GPR89A: variants seen among roughly 807,000 people sequenced by gnomAD.
The protein encoded by GPR89A is G protein-coupled receptor 89A.
A neutral mutation model predicts 52.0 loss-of-function variants in GPR89A; 16 were observed. That is an observed-to-expected ratio of 0.31 (90% CI 0.21 to 0.47). The LOEUF is 0.47. Ranked by LOEUF, GPR89A falls within the 20% of genes least tolerant of loss-of-function variation. The probability of loss-of-function intolerance (pLI) is 1.00; values close to 1 mark genes in which losing one functional copy is unlikely to be tolerated. For synonymous variants in GPR89A, 55 were observed against 150.9 expected, an observed-to-expected ratio of 0.36 and a Z score of 4.66; for missense variants, 135 against 449.4, an observed-to-expected ratio of 0.30 and a Z score of 6.33.
At chr1:145,654,544 A>G (rs113984420) in intron 10 of GPR89A, among the ~76,000 whole-genome samples, 1 of 48,480 alleles carries the variant, frequency 2.1e-5, no homozygotes, top group Admixed American at 2.5e-4. Flanking sequence ...CAGAGCAAGA[A>G]TCCATCTACA....
In GPR89A at chr1:145,633,939, G is replaced by C. The variant is rs1423094124; in HGVS notation, c.617+2195G>C. 4.6e-5 allele frequency among the ~76,000 whole-genome samples: 7 copies of C among 151,250 alleles called. No homozygotes were observed. In the South Asian group the frequency reaches 8.4e-4, roughly 18 times the overall value. On this transcript the variant is annotated intron_variant, in intron 7 of 13. Transcript: ENST00000313835. ...AATACTTAGGGATAAATTTGACCAA[G>C]GGGGAAGAAAGACCTGGACACTGAA...
chr1:145,626,352 C>T (rs1649496752), intron 5 of GPR89A, among the ~76,000 whole-genome samples: 1 of 151,930 alleles, frequency 6.6e-6, no homozygotes, highest in Admixed American at 6.6e-5. Context: ...AAGATGAAGG[C>T]CATTGTATCT....
At chr1:145,613,867 A>T (rs1648476111) in intron 1 of GPR89A, among the ~76,000 whole-genome samples, 1 of 151,424 alleles carries the variant, frequency 6.6e-6, no homozygotes, top group African/African-American at 2.4e-5. Context: ...GCTCACTATA[A>T]CGTCTACCTG....
chr1:145,657,023 A>G (rs1406233587), intron 10 of GPR89A, among the ~76,000 whole-genome samples: 3 of 151,978 alleles, frequency 2.0e-5, no homozygotes, highest in Non-Finnish European at 4.4e-5. Context: ...TTGCATTCCT[A>G]GAATAAACCT....
At chr1:145,648,580 A>T (rs1651213598) in intron 10 of GPR89A, among the ~76,000 whole-genome samples, 1 of 150,192 alleles carries the variant, frequency 6.7e-6, no homozygotes, top group African/African-American at 2.5e-5. Flanking sequence ...CCTGGGCCCA[A>T]GCAATTCTCC....
chr1:145,635,843 C>T (rs1384715890), intron 7 of GPR89A, among the ~76,000 whole-genome samples: 2 of 152,160 alleles, frequency 1.3e-5, no homozygotes, highest in African/African-American at 4.8e-5. Flanking sequence ...CCTGTAATCC[C>T]AGCTACTTGG....
chr1:145,619,373 G>T, intron 3 of GPR89A, among the ~76,000 whole-genome samples: 1 of 150,448 alleles, frequency 6.6e-6, no homozygotes, highest in East Asian at 1.9e-4. Context: ...ACTTTGGGAG[G>T]CTGAGGCAGG....
intron 12 of GPR89A, among the ~76,000 whole-genome samples, chr1:145,668,072 A>G (rs1652699229): frequency 1.3e-5 from 2 of 152,174 alleles, no homozygotes; most frequent in Non-Finnish European, 2.9e-5. Context: ...TTGGTTCCAT[A>G]TGAACTTTAG....
chr1:145,622,197 AAATAT>A (rs1649189759), intron 3 of GPR89A, among the ~76,000 whole-genome samples: 2 of 151,758 alleles, frequency 1.3e-5, no homozygotes, highest in Non-Finnish European at 2.9e-5. Flanking sequence ...TGCAGAAACA[AAATAT>A]AATATATCCA....
At chr1:145,621,604 TA>T (rs1468948531) in intron 3 of GPR89A, among the ~76,000 whole-genome samples, 3 of 147,506 alleles carry the variant, frequency 2.0e-5, no homozygotes, top group African/African-American at 7.4e-5. Context: ...TTAAAATCAG[TA>T]AATACAAAGG....
chr1:145,656,732 A>G (rs1254522969), intron 10 of GPR89A, among the ~76,000 whole-genome samples: 3 of 152,068 alleles, frequency 2.0e-5, no homozygotes, highest in African/African-American at 7.3e-5. Context: ...CCTTCAGTAC[A>G]AAGTTGAATA....
At chr1:145,620,078 T>G (rs1553687865) in intron 3 of GPR89A, among the ~76,000 whole-genome samples, 1 of 152,048 alleles carries the variant, frequency 6.6e-6, no homozygotes, top group African/African-American at 2.4e-5. Flanking sequence ...ATAGATCCTG[T>G]GACTATAGAG....
At chr1:145,640,034 A>G (rs1650532441) in intron 7 of GPR89A, among the ~76,000 whole-genome samples, 1 of 152,036 alleles carries the variant, frequency 6.6e-6, no homozygotes, top group Admixed American at 6.5e-5. Context: ...ACCGGCGAAC[A>G]TGGTGAAACC....
intron 12 of GPR89A, among the ~76,000 whole-genome samples, chr1:145,667,398 T>C (rs1571552758): frequency 6.6e-6 from 1 of 152,190 alleles, no homozygotes; most frequent in East Asian, 1.9e-4. Context: ...GTTCATATCC[T>C]TTGCCCACTT....
intron 10 of GPR89A, among the ~76,000 whole-genome samples, chr1:145,660,223 T>C (rs1652100250): frequency 1.3e-5 from 2 of 152,170 alleles, no homozygotes; most frequent in South Asian, 2.1e-4. Flanking sequence ...ATTTAATAAA[T>C]GGTGCTGGGA....
chr1:145,664,621 C>T, intron 11 of GPR89A, among the ~76,000 whole-genome samples: 1 of 148,300 alleles, frequency 6.7e-6, no homozygotes, highest in South Asian at 2.2e-4. Flanking sequence ...CTGCACTCCA[C>T]TCTGGGCGAC....
At chr1:145,615,910 G>A (rs1256705237) in intron 1 of GPR89A, among the ~76,000 whole-genome samples, 1 of 151,884 alleles carries the variant, frequency 6.6e-6, no homozygotes, top group African/African-American at 2.4e-5. Context: ...GTGAGGCACC[G>A]TGCCTGGCCA....
rs587771609 is a variant in GPR89A, at chr1:145,639,127, TG to T, written c.618-4741del. Reference sequence around the variant, plus strand: ...TGTTTGCTGAAAATTATAAAACTAATGAAAAAAATCAAATAAGATATAAATA... The same window carrying T: ...TGTTTGCTGAAAATTATAAAACTAATAAAAAAATCAAATAAGATATAAATA... On this transcript the variant is annotated intron_variant, in intron 7 of 13. Coordinates refer to ENST00000313835, the MANE Select transcript of GPR89A (RefSeq NM_001097612.2). Among the ~76,000 whole-genome samples, 718 of 151,732 alleles carry T rather than the reference TG, an allele frequency of 4.7e-3. 8 individuals are homozygous for T. Among genetic ancestry groups the T allele is most frequent in the African/African-American group, 0.016 (675 of 41,112 alleles).
At chr1:145,661,351 A>G (rs1340208670) in intron 10 of GPR89A, among the ~76,000 whole-genome samples, 1 of 149,628 alleles carries the variant, frequency 6.7e-6, no homozygotes. Flanking sequence ...GATATACCTA[A>G]TGCTAAATGA....
Sources: allele counts gnomAD v4.1 joint callset (sites outside exome capture counted in the v4.1 genomes callset), GRCh38; gene constraint gnomAD v4.1.1; transcripts MANE v1.5; gene names NCBI Gene and HGNC (gene_info 2026-07-23, HGNC 2026-07-21).